The following TBC1D23 variants were observed in gnomAD, a reference collection of about 807,000 sequenced individuals.
TBC1D23 encodes HCV non-structural protein 4A-transactivated protein 1.
Under a neutral mutation model 91.4 loss-of-function variants are expected in TBC1D23, and 55 were observed. The observed-to-expected ratio is 0.60, with a 90% confidence interval of 0.48 to 0.75. The LOEUF is 0.75. TBC1D23 is among the 30% of genes least tolerant of loss of function. The probability of loss-of-function intolerance (pLI) is 0.00; values close to 1 mark genes in which losing one functional copy is unlikely to be tolerated. For synonymous variants in TBC1D23, 289 were observed against 281.0 expected, an observed-to-expected ratio of 1.03 and a Z score of -0.28; for missense variants, 725 against 836.1, an observed-to-expected ratio of 0.87 and a Z score of 1.64.
intron 16 of TBC1D23, among the ~76,000 whole-genome samples, chr3:100,317,835 G>C (rs890027659): frequency 2.6e-5 from 4 of 152,110 alleles, no homozygotes; most frequent in Non-Finnish European, 4.4e-5. Context: ...TAATGAAAGT[G>C]AGAAAACTGA....
intron 4 of TBC1D23, among the ~76,000 whole-genome samples, chr3:100,288,818 A>C (rs2067765353): frequency 6.6e-6 from 1 of 152,256 alleles, no homozygotes; most frequent in South Asian, 2.1e-4. Context: ...AGATTGAGTT[A>C]GTCAGCATCT....
In TBC1D23 at chr3:100,274,069, T is replaced by C. The variant is rs544681739; in HGVS notation, c.54-5580T>C. On this transcript the variant is annotated intron_variant, in intron 1 of 18. Coordinates refer to ENST00000394144, the MANE Select transcript of TBC1D23 (RefSeq NM_001199198.3). The stretch of plus-strand genomic sequence containing the variant: ...TGATTATCTCATGGTAATGGAATTG[T>C]GGTTGGTTTTTAATTTTTTTAATGC... 7.0e-4 allele frequency among the ~76,000 whole-genome samples: 107 copies of C among 152,308 alleles called. 1 individual carries two copies. The highest frequency in any genetic ancestry group is 2.4e-3 in the African/African-American group (99 of 41,566).
In TBC1D23 at chr3:100,302,077, A is replaced by G. The variant is rs1173836981; in HGVS notation, c.1103A>G (p.Asn368Ser). The G allele has an allele frequency of 2.5e-6, 4 of 1,610,358 alleles. No homozygotes were observed. In the Admixed American group the frequency reaches 6.7e-5, roughly 27 times the overall value. Residue 368 changes from asparagine to serine, a missense_variant, in exon 11 of 19, where the codon AAT becomes AGT. Transcript: ENST00000394144. The stretch of plus-strand genomic sequence containing the variant: ...AAAAAAATTGTCTAGATGCTTCAGA[A>G]TCCATCTGAGTTTGCACAGTCAGTA... Reference protein sequence around the residue: ...FHLDSDLMLQNPSEFAQSVKS... With the variant: ...FHLDSDLMLQSPSEFAQSVKS...
At chr3:100,303,137 T>A (rs1705462400) in intron 11 of TBC1D23, among the ~76,000 whole-genome samples, 1 of 152,244 alleles carries the variant, frequency 6.6e-6, no homozygotes. Flanking sequence ...TTTTTTATTA[T>A]AATAGTTGCT....
At chr3:100,276,610 A>C (rs2148852557) in intron 1 of TBC1D23, among the ~76,000 whole-genome samples, 1 of 152,284 alleles carries the variant, frequency 6.6e-6, no homozygotes, top group Admixed American at 6.5e-5. Flanking sequence ...ATATTAAACT[A>C]TTTCCATATA....
intron 15 of TBC1D23, among the ~76,000 whole-genome samples, chr3:100,314,601 G>GA (rs1409062017): frequency 6.6e-6 from 1 of 151,960 alleles, no homozygotes; most frequent in Non-Finnish European, 1.5e-5. Context: ...TCCTGTCTCT[G>GA]AAAAAATAAA....
At chr3:100,296,644 G>A (rs112201020) in intron 8 of TBC1D23, among the ~76,000 whole-genome samples, 2 of 152,018 alleles carry the variant, frequency 1.3e-5, no homozygotes, top group Non-Finnish European at 2.9e-5. Context: ...TGGATCACGA[G>A]GTCGGGAGAT....
At chr3:100,296,130 A>G (rs761786715) in intron 7 of TBC1D23, 42 bp from the exon 8 acceptor site, 2 of 1,177,008 alleles carry the variant, frequency 1.7e-6, no homozygotes, top group South Asian at 3.0e-5. Flanking sequence ...CAATATTTGC[A>G]TTTTTCACAA....
intron 10 of TBC1D23, 74 bp from the exon 11 acceptor site, chr3:100,301,993 A>G (rs1705442051): frequency 4.0e-6 from 5 of 1,249,230 alleles, no homozygotes; most frequent in Non-Finnish European, 4.4e-6. Flanking sequence ...GTTTTTCCTA[A>G]AAAAAATTTC....
At chr3:100,262,598 G>T (rs1440365141) in intron 1 of TBC1D23, among the ~76,000 whole-genome samples, 1 of 150,568 alleles carries the variant, frequency 6.6e-6, no homozygotes, top group Non-Finnish European at 1.5e-5. Flanking sequence ...GGTGGCGCGT[G>T]CCTGTAATCT....
In TBC1D23 at chr3:100,299,332, G is replaced by A; in HGVS notation, c.1092+1G>A. The A allele has an allele frequency of 1.3e-6, 2 of 1,582,730 alleles. No individual in the cohort carries two copies. Among genetic ancestry groups the A allele is most frequent in the Non-Finnish European group, 1.7e-6 (2 of 1,153,120 alleles). On this transcript the variant is annotated splice_donor_variant, in intron 10 of 18. Coordinates refer to ENST00000394144, the MANE Select transcript of TBC1D23 (RefSeq NM_001199198.3). LOFTEE classifies it high-confidence loss of function. ...TGCTTTCCACTTAGATTCAGACCTG[G>A]TTAGTATAAATGCTGATTAATTATT...
At chr3:100,277,789 C>G (rs572178015) in intron 1 of TBC1D23, among the ~76,000 whole-genome samples, 1 of 152,234 alleles carries the variant, frequency 6.6e-6, no homozygotes, top group South Asian at 2.1e-4. Flanking sequence ...AACAGCCTGC[C>G]TTGTACATTT....
Position 100,295,180 on chromosome 3 carries a change from T to G in TBC1D23, c.694T>G (p.Phe232Val). 6.2e-7 allele frequency: 1 copy of G among 1,603,586 alleles called. No individual in the cohort carries two copies. Among genetic ancestry groups the G allele is most frequent in the Non-Finnish European group, 8.5e-7 (1 of 1,176,290 alleles). The change falls in exon 6 of 19, where the codon TTC becomes GTC. Residue 232 changes from phenylalanine (F) to valine (V), a missense_variant. By Grantham distance (50) the Phe-to-Val change is conservative. Transcript: ENST00000394144. ...ACAAGCAGATCCATTTTTTATTTAT[T>G]TCTTAATGTTAATTATCCTTGTTAA... ...LQQADPFFIY[F>V]LMLIILVNAK...
intron 2 of TBC1D23, among the ~76,000 whole-genome samples, chr3:100,280,849 C>G (rs1000162792): frequency 6.6e-6 from 1 of 152,152 alleles, no homozygotes; most frequent in African/African-American, 2.4e-5. Flanking sequence ...TACTAAAAGT[C>G]TGAAACGTTT....
At chr3:100,266,047 TAAG>T (rs1170865115) in intron 1 of TBC1D23, among the ~76,000 whole-genome samples, 1 of 152,182 alleles carries the variant, frequency 6.6e-6, no homozygotes, top group Non-Finnish European at 1.5e-5. Context: ...ACTGTTTGTC[TAAG>T]AAGGACATTG....
chr3:100,269,522 T>C (rs1234246993), intron 1 of TBC1D23, among the ~76,000 whole-genome samples: 2 of 152,226 alleles, frequency 1.3e-5, no homozygotes, highest in African/African-American at 4.8e-5. Flanking sequence ...TGTGCTATCA[T>C]ACTATTGAAA....
At chr3:100,308,614 C>T (rs1162268366) in intron 13 of TBC1D23, among the ~76,000 whole-genome samples, 1 of 152,156 alleles carries the variant, frequency 6.6e-6, no homozygotes, top group Non-Finnish European at 1.5e-5. Flanking sequence ...GTATTTTCAT[C>T]AAACCCTTTT....
chr3:100,323,654 G>A lies in TBC1D23; in HGVS notation c.2086G>A (p.Ala696Thr). Residue 696 changes from alanine (A) to threonine (T), a missense_variant, in exon 19 of 19, where the codon GCT becomes ACT. Coordinates refer to ENST00000394144, the MANE Select transcript of TBC1D23 (RefSeq NM_001199198.3). Reference protein sequence around the residue: ...IKQQIMKVLDALES With the variant: ...IKQQIMKVLDTLES Reference sequence around the variant, plus strand: ...ACAGCAGATCATGAAAGTTTTGGATGCTTTGGAAAGTTAATATAAAAGAAA... The same window carrying A: ...ACAGCAGATCATGAAAGTTTTGGATACTTTGGAAAGTTAATATAAAAGAAA... The A allele has an allele frequency of 6.6e-7, 1 of 1,520,186 alleles. No individual in the cohort carries two copies. Among genetic ancestry groups the A allele is most frequent in the Non-Finnish European group, 8.8e-7 (1 of 1,132,898 alleles). 94.2% of individuals were successfully genotyped at this position (1,520,186 alleles called of 1,614,324 possible). A position where few individuals can be genotyped will look rare whatever the true frequency, so the allele number is the denominator to read the frequency against.
At chr3:100,267,500 T>C (rs2067566668) in intron 1 of TBC1D23, among the ~76,000 whole-genome samples, 2 of 152,204 alleles carry the variant, frequency 1.3e-5, no homozygotes, top group African/African-American at 4.8e-5. Context: ...TGGGTGGAAA[T>C]CTTGTAGTGT....
Sources: gnomAD v4.1 joint callset for allele counts (sites outside exome capture counted in the v4.1 genomes callset) on GRCh38, gnomAD v4.1.1 for gene constraint, MANE v1.5 for transcripts, NCBI Gene and HGNC (gene_info 2026-07-23, HGNC 2026-07-21) for gene names.